Variants in MCC observed in about 807,000 individuals in gnomAD.
MCC encodes the protein colorectal mutant cancer protein.
A neutral mutation model predicts 116.2 loss-of-function variants in MCC; 90 were observed. The observed-to-expected ratio is 0.77, with a 90% confidence interval of 0.65 to 0.92. The LOEUF is 0.92. Among genes scored for constraint, MCC ranks in the 40% least tolerant of loss-of-function variants. The probability of loss-of-function intolerance (pLI) is 0.00; values close to 1 mark genes in which losing one functional copy is unlikely to be tolerated. For synonymous variants in MCC, 578 were observed against 510.5 expected (o/e 1.13, Z -1.78); for missense variants, 1,516 against 1,312.2 (o/e 1.16, Z -2.40).
chr5:113,244,694 G>C (rs1764503999), intron 3 of MCC, among the ~76,000 whole-genome samples: 1 of 152,180 alleles, frequency 6.6e-6, no homozygotes, highest in Non-Finnish European at 1.5e-5. Flanking sequence ...TTCACTAAGT[G>C]AGTTTACTGA....
At chr5:113,360,196 A>T (rs576834435) in intron 2 of MCC, among the ~76,000 whole-genome samples, 4,671 of 75,024 alleles carry the variant, frequency 0.062, 236 homozygotes, top group African/African-American at 0.3. Flanking sequence ...AAGGGGAATA[A>T]AAAAAAAAAT....
At chr5:113,061,035 G>T (rs778972308) in intron 14 of MCC, among the ~76,000 whole-genome samples, 1 of 152,058 alleles carries the variant, frequency 6.6e-6, no homozygotes, top group Non-Finnish European at 1.5e-5. Context: ...CATTTTTTCT[G>T]CCCCAATGAA....
intron 3 of MCC, among the ~76,000 whole-genome samples, chr5:113,308,049 T>C (rs1420195993): frequency 6.6e-6 from 1 of 151,736 alleles, no homozygotes; most frequent in Non-Finnish European, 1.5e-5. Flanking sequence ...CATGGCCCAC[T>C]GCAGCCTCAA....
chr5:113,360,910 CCTG>C (rs1768529211), intron 2 of MCC, among the ~76,000 whole-genome samples: 1 of 152,172 alleles, frequency 6.6e-6, no homozygotes, highest in Non-Finnish European at 1.5e-5. Flanking sequence ...ATGTCCTACT[CCTG>C]CTATGTATGT....
chr5:113,077,617 A>T (rs1754547454), intron 11 of MCC, among the ~76,000 whole-genome samples: 2 of 152,248 alleles, frequency 1.3e-5, no homozygotes. Context: ...ATGAGAACAA[A>T]GACAAAACAT....
chr5:113,312,613 A>G (rs1882620), intron 3 of MCC, among the ~76,000 whole-genome samples: 13,273 of 152,254 alleles, frequency 0.087, 1,356 homozygotes, highest in African/African-American at 0.25. Context: ...GGCAGTGACT[A>G]GAACAAATGA....
At chr5:113,327,545 CA>C (rs1189402090) in intron 3 of MCC, among the ~76,000 whole-genome samples, 1,450 of 57,176 alleles carry the variant, frequency 0.025, 41 homozygotes, top group African/African-American at 0.059. Context: ...GACTCAGTCT[CA>C]AAAAAAAAAA....
At chr5:113,238,935 G>C (rs1241204496) in intron 3 of MCC, among the ~76,000 whole-genome samples, 1 of 152,012 alleles carries the variant, frequency 6.6e-6, no homozygotes, top group Non-Finnish European at 1.5e-5. Context: ...TTAATTCCTG[G>C]GTTTAAACAG....
intron 3 of MCC, among the ~76,000 whole-genome samples, chr5:113,214,745 T>G (rs1763249280): frequency 6.6e-6 from 1 of 152,226 alleles, no homozygotes; most frequent in Non-Finnish European, 1.5e-5. Flanking sequence ...CAAGCCATTT[T>G]CCACACTGTA....
chr5:113,178,337 T>C (rs1761444169), intron 3 of MCC, among the ~76,000 whole-genome samples: 1 of 152,150 alleles, frequency 6.6e-6, no homozygotes. Flanking sequence ...AGGGGTCAGA[T>C]TTAGACATAA....
chr5:113,034,886 T>C (rs1751226914), intron 17 of MCC, among the ~76,000 whole-genome samples: 1 of 152,254 alleles, frequency 6.6e-6, no homozygotes, highest in Admixed American at 6.5e-5. Context: ...GATTTCGTTC[T>C]GCTTCATTGG....
At chr5:113,080,606 G>A (rs1361577672) in intron 11 of MCC, among the ~76,000 whole-genome samples, 1 of 151,964 alleles carries the variant, frequency 6.6e-6, no homozygotes, top group Non-Finnish European at 1.5e-5. Flanking sequence ...TGAACAATGA[G>A]AACACCTGGA....
intron 1 of MCC, among the ~76,000 whole-genome samples, chr5:113,427,790 G>A (rs759946870): frequency 6.6e-6 from 1 of 152,126 alleles, no homozygotes; most frequent in Non-Finnish European, 1.5e-5. Flanking sequence ...GTTATTAAAT[G>A]AGTTCATTAA....
chr5:113,145,755 C>T (rs1197739622), intron 4 of MCC, among the ~76,000 whole-genome samples: 3 of 23,800 alleles, frequency 1.3e-4, no homozygotes, highest in Non-Finnish European at 2.4e-4. Context: ...CACACACACA[C>T]ACACACACAC....
chr5:113,392,580 C>T (rs2150395915), intron 1 of MCC, among the ~76,000 whole-genome samples: 1 of 151,514 alleles, frequency 6.6e-6, no homozygotes, highest in South Asian at 2.1e-4. Context: ...TACATGTGCT[C>T]AAGAAATTTA....
At chr5:113,115,751 G>T (rs542608969) in intron 6 of MCC, among the ~76,000 whole-genome samples, 1 of 152,006 alleles carries the variant, frequency 6.6e-6, no homozygotes. Flanking sequence ...TCAAATCTAC[G>T]TATAATCATT....
At chr5:113,057,117 G>C (rs1340991220) in intron 14 of MCC, among the ~76,000 whole-genome samples, 1 of 152,190 alleles carries the variant, frequency 6.6e-6, no homozygotes, top group Non-Finnish European at 1.5e-5. Context: ...CCAGCAGAAC[G>C]AGATGGTGAC....
At chr5:113,281,642 T>G (rs1054960506) in intron 3 of MCC, among the ~76,000 whole-genome samples, 7 of 152,208 alleles carry the variant, frequency 4.6e-5, no homozygotes, top group Non-Finnish European at 1.0e-4. Flanking sequence ...TCTGGCTCTG[T>G]GAATCCAGAA....
At chr5:113,078,385 T>C (rs1754608872) in intron 11 of MCC, among the ~76,000 whole-genome samples, 1 of 152,200 alleles carries the variant, frequency 6.6e-6, no homozygotes, top group South Asian at 2.1e-4. Flanking sequence ...ATATCCCTGA[T>C]GAACATTGAT....
Sources: allele counts gnomAD v4.1 joint callset (sites outside exome capture counted in the v4.1 genomes callset), GRCh38; gene constraint gnomAD v4.1.1; transcripts MANE v1.5; gene names NCBI Gene and HGNC (gene_info 2026-07-23, HGNC 2026-07-21).